Variants in MPRIP observed in about 807,000 individuals in gnomAD.
MPRIP encodes the protein myosin phosphatase Rho interacting protein, also known as myosin phosphatase Rho-interacting protein.
Under a neutral mutation model 234.9 loss-of-function variants are expected in MPRIP, and 59 were observed. The ratio of observed to expected loss-of-function variants is 0.25; its 90% confidence interval spans 0.20 to 0.31. MPRIP has a LOEUF of 0.31. Ranked by LOEUF, MPRIP falls within the 10% of genes least tolerant of loss-of-function variation. The probability of loss-of-function intolerance (pLI) is 1.00; values close to 1 mark genes in which losing one functional copy is unlikely to be tolerated. For missense variants in MPRIP, 2,436 were observed against 3,071.0 expected (o/e 0.79, Z 4.89); for synonymous variants, 1,144 against 1,263.9 (o/e 0.91, Z 2.01).
At chr17:17,171,435 C>T in intron 16 of MPRIP, 1 of 350,172 alleles carries the variant, frequency 2.9e-6, no homozygotes, top group East Asian at 5.5e-5. Flanking sequence ...TCCCCACCTA[C>T]CATACCAACT....
chr17:17,075,584 T>C (rs1346902779), intron 1 of MPRIP, 126 bp from the exon 2 acceptor site: 10 of 774,186 alleles, frequency 1.3e-5, no homozygotes, highest in Middle Eastern at 2.4e-4. Flanking sequence ...GCAGTGGAAA[T>C]AGGTGTCATG....
At chr17:17,044,674 T>C (rs1220133140) in intron 1 of MPRIP, among the ~76,000 whole-genome samples, 1 of 152,252 alleles carries the variant, frequency 6.6e-6, no homozygotes, top group Non-Finnish European at 1.5e-5. Context: ...TCATAGGGGC[T>C]GTTTTCGAAT....
chr17:17,063,034 G>A (rs2088913795), intron 1 of MPRIP, among the ~76,000 whole-genome samples: 1 of 152,224 alleles, frequency 6.6e-6, no homozygotes, highest in African/African-American at 2.4e-5. Context: ...AGCCATGTGC[G>A]GGGGCAGGCC....
chr17:17,091,368 C>CTG (rs2089712683), intron 3 of MPRIP, among the ~76,000 whole-genome samples: 1 of 152,094 alleles, frequency 6.6e-6, no homozygotes, highest in Non-Finnish European at 1.5e-5. Context: ...CAGGCAGGGT[C>CTG]CCCACTATCA....
intron 18 of MPRIP, chr17:17,173,643 G>T (rs2046192605): frequency 3.4e-6 from 2 of 579,712 alleles, no homozygotes; most frequent in South Asian, 3.7e-5. Flanking sequence ...TAGAAATGGG[G>T]GTTCTGTGTG....
intron 3 of MPRIP, among the ~76,000 whole-genome samples, chr17:17,112,856 C>T (rs893185569): frequency 6.6e-5 from 10 of 152,198 alleles, no homozygotes; most frequent in African/African-American, 2.2e-4. Flanking sequence ...GAGTAGCACG[C>T]GGGCCTTGGG....
At chr17:17,123,425 G>A (rs940940285) in intron 3 of MPRIP, among the ~76,000 whole-genome samples, 1 of 152,174 alleles carries the variant, frequency 6.6e-6, no homozygotes, top group Non-Finnish European at 1.5e-5. Context: ...CACTGTGGGA[G>A]GCTGAAGCAG....
At chr17:17,122,347 ATTTGT>A (rs201265222) in intron 3 of MPRIP, among the ~76,000 whole-genome samples, 4,174 of 151,540 alleles carry the variant, frequency 0.028, 107 homozygotes, top group East Asian at 0.12. Flanking sequence ...TTTTTTGTTT[ATTTGT>A]TTTGTTTTGT....
At chr17:17,145,638 G>C (rs2045446046) in intron 9 of MPRIP, among the ~76,000 whole-genome samples, 1 of 152,226 alleles carries the variant, frequency 6.6e-6, no homozygotes, top group Admixed American at 6.5e-5. Flanking sequence ...AAGAACTTTT[G>C]AATCAATTCT....
chr17:17,170,606 T>G lies in MPRIP; in HGVS notation c.6325-1112T>G, dbSNP rs2704340. On this transcript the variant is annotated intron_variant, in intron 16 of 23. Transcript: ENST00000651222. Reference sequence around the variant, plus strand: ...CTTGGTATCCTTTCTTGAATCCACATGCAAGAAGATTAACCAAGTGGTGCA... The same window carrying G: ...CTTGGTATCCTTTCTTGAATCCACAGGCAAGAAGATTAACCAAGTGGTGCA... Among the ~76,000 whole-genome samples the G allele has an allele frequency of 2.0e-4, 31 of 152,334 alleles. No homozygotes were observed. In the South Asian group the frequency reaches 5.8e-3, roughly 28 times the overall value.
At chr17:17,112,353 A>G (rs2090189515) in intron 3 of MPRIP, among the ~76,000 whole-genome samples, 1 of 152,126 alleles carries the variant, frequency 6.6e-6, no homozygotes, top group Non-Finnish European at 1.5e-5. Context: ...GCATCCCACA[A>G]GTGCCCATCT....
chr17:17,115,913 A>G (rs1361313876), intron 3 of MPRIP, among the ~76,000 whole-genome samples: 2 of 152,042 alleles, frequency 1.3e-5, no homozygotes, highest in Admixed American at 6.6e-5. Flanking sequence ...CAGCTTCTCT[A>G]CCTCATGCCC....
Position 17,176,540 on chromosome 17 carries a change from G to C in MPRIP, c.6957+28G>C, listed in dbSNP as rs773780174. On this transcript the variant is annotated intron_variant, in intron 21 of 23. Transcript: ENST00000651222. ...AAGGCCACCGCACCACAGGAGGGCGGGTACGGGAACAGGCTCTAGGTGACA... is the reference window on the plus strand; with the variant it reads ...AAGGCCACCGCACCACAGGAGGGCGCGTACGGGAACAGGCTCTAGGTGACA... 2.0e-5 allele frequency: 32 copies of C among 1,579,770 alleles called. No homozygotes were observed. In the Admixed American group the frequency reaches 4.0e-4, roughly 20 times the overall value.
intron 5 of MPRIP, among the ~76,000 whole-genome samples, chr17:17,135,463 T>C: frequency 6.6e-6 from 1 of 152,240 alleles, no homozygotes; most frequent in East Asian, 1.9e-4. Flanking sequence ...GTGGGGTATT[T>C]GGTGTCTTTG....
At chr17:17,118,510 C>A (rs2090328030) in intron 3 of MPRIP, among the ~76,000 whole-genome samples, 1 of 152,180 alleles carries the variant, frequency 6.6e-6, no homozygotes, top group African/African-American at 2.4e-5. Context: ...GAGGGCTCAG[C>A]CCAGCCTAGG....
intron 3 of MPRIP, among the ~76,000 whole-genome samples, chr17:17,083,962 C>T (rs544308709): frequency 2.0e-5 from 3 of 152,136 alleles, no homozygotes; most frequent in Admixed American, 6.5e-5. Context: ...AGGATGGTCT[C>T]GATCTCCTGA....
intron 15 of MPRIP, among the ~76,000 whole-genome samples, chr17:17,162,507 A>G: frequency 1.3e-5 from 2 of 152,106 alleles, no homozygotes; most frequent in South Asian, 2.1e-4. Context: ...CACATGCCCT[A>G]GACTCTCCTC....
chr17:17,167,052 A>G lies in MPRIP; in HGVS notation c.5461A>G (p.Ser1821Gly), dbSNP rs2046015435. The G allele has an allele frequency of 2.3e-6, 3 of 1,304,208 alleles. No individual in the cohort carries two copies. The Admixed American group carries it at 6.9e-5, about 30-fold the overall frequency. The allele number at this position is 1,304,208 out of a possible 1,614,324, so 80.8% of individuals were successfully genotyped here. A position where few individuals can be genotyped will look rare whatever the true frequency, so the allele number is the denominator to read the frequency against. The change falls in exon 16 of 24, where the codon AGT becomes GGT. Residue 1821 changes from serine (S) to glycine (G), a missense_variant. Around this residue, in one of 4 missense-constraint regions of MPRIP, gnomAD observed 1,998 missense variants for 2,520.3 expected, o/e 0.79. Transcript: ENST00000651222. This position sits in a 1 kb window ranked among gnomAD's most constrained non-coding sequence, Gnocchi z 5.9. ...DCQKLLQVSQ[S>G]LSYNTCLGGL... Reference sequence around the variant, plus strand: ...CCAGAAGCTTCTCCAGGTGTCCCAGAGTCTCTCGTATAACACTTGTTTGGG... The same window carrying G: ...CCAGAAGCTTCTCCAGGTGTCCCAGGGTCTCTCGTATAACACTTGTTTGGG...
chr17:17,063,132 G>A (rs2088917283), intron 1 of MPRIP, among the ~76,000 whole-genome samples: 2 of 152,254 alleles, frequency 1.3e-5, no homozygotes, highest in African/African-American at 4.8e-5. Flanking sequence ...GGGAGCTCAG[G>A]TGTGGGAGGC....
Sources: allele counts gnomAD v4.1 joint callset (sites outside exome capture counted in the v4.1 genomes callset), GRCh38; gene constraint gnomAD v4.1.1; regional missense constraint gnomAD v4.1.1; non-coding constraint Gnocchi (gnomAD v3.1); transcripts MANE v1.5; gene names NCBI Gene and HGNC (gene_info 2026-07-23, HGNC 2026-07-21).